Variants in MUC3A observed in about 807,000 individuals in gnomAD.
MUC3A encodes mucin 3A, cell surface associated.
Under a neutral mutation model 109.0 loss-of-function variants are expected in MUC3A, and 109 were observed. The observed-to-expected ratio is 1.00, with a 90% CI of 0.86 to 1.17. The LOEUF is 1.17. MUC3A is among the 50% of genes most tolerant of loss of function. The pLI, the probability that MUC3A is intolerant of heterozygous loss-of-function variation, is 0.00. For missense variants in MUC3A, 3,537 were observed against 2,469.4 expected (o/e 1.43, Z -9.16); for synonymous variants, 1,398 against 981.4 (o/e 1.42, Z -7.93).
At chr7:100,963,862 G>C in intron 5 of MUC3A, 110 bp downstream of exon 5, 14 of 1,481,900 alleles carry the variant, frequency 9.4e-6, no homozygotes, top group Non-Finnish European at 1.2e-5. Context: ...AAGAGGGGTG[G>C]AGGGGGTACA....
chr7:100,963,821 T>C (rs981863763), intron 5 of MUC3A, 69 bp downstream of exon 5: 1 of 1,585,412 alleles, frequency 6.3e-7, no homozygotes, highest in Non-Finnish European at 8.5e-7. Context: ...AAAAAACCCA[T>C]TCCTTTCTTT....
In MUC3A at chr7:100,952,806, A is replaced by T. The variant is rs769060224; in HGVS notation, c.1027A>T (p.Thr343Ser). ...CACCTACACTACTTCTCCCACCAGC[A>T]CTGTCACAGACTCCACTACCAAAAT... ...ETTYTTSPTS[T>S]VTDSTTKIAY... Residue 343 changes from threonine to serine, a missense_variant, in exon 2 of 12, where the codon ACT becomes TCT. By Grantham distance (58) the Thr-to-Ser change is moderately conservative (BLOSUM62 1). Transcript: ENST00000379458. The T allele has an allele frequency of 3.2e-6, 5 of 1,542,954 alleles. No individual in the cohort carries two copies. The African/African-American group carries it at 6.8e-5, about 21-fold the overall frequency.
intron 8 of MUC3A, chr7:100,966,136 GT>G: frequency 1.9e-6 from 1 of 531,956 alleles, no homozygotes; most frequent in East Asian, 3.4e-5. Flanking sequence ...TCGTTCTAGG[GT>G]TGAACCCCGC....
In MUC3A at chr7:100,954,420, A is replaced by G. The variant is rs1003609870; in HGVS notation, c.2641A>G (p.Thr881Ala). 2 of 400,654 alleles carry G rather than the reference A, an allele frequency of 5.0e-6. No homozygotes were observed. Among genetic ancestry groups the G allele is most frequent in the Non-Finnish European group, 8.8e-6 (2 of 227,606 alleles). 24.8% of individuals were successfully genotyped at this position (400,654 alleles called of 1,614,324 possible). Residue 881 changes from threonine (T) to alanine (A), a missense_variant, in exon 2 of 12, where the codon ACC becomes GCC. Transcript: ENST00000379458. ...ISISVSMTSATTPSGGPTFTS... is the reference protein window; with the variant it reads ...ISISVSMTSAATPSGGPTFTS... ...AATCTCTGTTAGCATGACGTCTGCT[A>G]CCACTCCCAGTGGAGGACCAACTTT...
rs1792166355 is a variant in MUC3A, at chr7:100,958,496, C to T, written c.6717C>T (p.Phe2239=). The change falls in exon 2 of 12, where the codon TTC becomes TTT. Residue 2239 remains phenylalanine (F), a synonymous_variant. Coordinates refer to ENST00000379458, the MANE Select transcript of MUC3A (RefSeq NM_005960.2). ...CCACATCCCACAGTACTCCCGGCTT[C>T]ACTTCTTCAATCACCACCACTGAGA... ...TETTSHSTPG[F]TSSITTTETT... is the part of the protein sequence containing the mutation. The T allele has an allele frequency of 1.2e-4, 138 of 1,138,074 alleles. No individual in the cohort carries two copies. The Middle Eastern group carries it at 2.8e-3, about 23-fold the overall frequency. 70.5% of individuals were successfully genotyped at this position (1,138,074 alleles called of 1,614,324 possible). A position where few individuals can be genotyped will look rare whatever the true frequency, so the allele number is the denominator to read the frequency against.
Position 100,959,151 on chromosome 7 carries a change from G to T in MUC3A, c.7372G>T (p.Ala2458Ser). The T allele has an allele frequency of 6.6e-7, 1 of 1,520,688 alleles. No individual in the cohort carries two copies. The allele number at this position is 1,520,688 out of a possible 1,614,324, so 94.2% of individuals were successfully genotyped here. A position where few individuals can be genotyped will look rare whatever the true frequency, so the allele number is the denominator to read the frequency against. The change falls in exon 2 of 12, where the codon GCC becomes TCC. Residue 2458 changes from alanine to serine, a missense_variant. Physicochemically the swap from Ala to Ser is moderately conservative, Grantham distance 99. Coordinates refer to ENST00000379458, the MANE Select transcript of MUC3A (RefSeq NM_005960.2). ...CTCCACAGTCAGCACATCCACAACT[G>T]CCATCACCTCACATTTTACTACCTC... Reference protein sequence around the residue: ...IYSTVSTSTTAITSHFTTSET... With the variant: ...IYSTVSTSTTSITSHFTTSET...
At position 100,954,256 on chromosome 7, in the gene MUC3A, T is replaced by C; in HGVS notation, c.2477T>C (p.Ile826Thr). The change falls in exon 2 of 12, where the codon ATC (isoleucine) becomes ACC (threonine). Residue 826 changes from isoleucine to threonine, a missense_variant. Transcript: ENST00000379458. Reference protein sequence around the residue: ...TGIPTSQPTTITPSSVGISGS... With the variant: ...TGIPTSQPTTTTPSSVGISGS... ...ATCCCTACCTCACAACCAACAACCA[T>C]CACTCCCTCATCCGTGGGCATCAGT... The C allele has an allele frequency of 2.2e-6, 1 of 455,050 alleles. No homozygotes were observed. 28.2% of individuals were successfully genotyped at this position (455,050 alleles called of 1,614,324 possible). A position where few individuals can be genotyped will look rare whatever the true frequency, so the allele number is the denominator to read the frequency against.
At position 100,965,721 on chromosome 7, in the gene MUC3A, G is replaced by C; in HGVS notation, c.9466G>C (p.Ala3156Pro). The change falls in exon 8 of 12, where the codon GCT (alanine) becomes CCT (proline). Residue 3156 changes from alanine to proline, a missense_variant. Physicochemically the swap from Ala to Pro is conservative, Grantham distance 27. Transcript: ENST00000379458. ...ACCCCCAGCCATCTGCCGCCGCGCCGCTCCCACGGGCTATGAAGAGTTCTA... is the reference window on the plus strand; with the variant it reads ...ACCCCCAGCCATCTGCCGCCGCGCCCCTCCCACGGGCTATGAAGAGTTCTA... ...LTPAAICRRA[A>P]PTGYEEFYFP... is the part of the protein sequence containing the mutation. 2 of 1,597,504 alleles carry C rather than the reference G, an allele frequency of 1.3e-6. No homozygotes were observed. Among genetic ancestry groups the C allele is most frequent in the Non-Finnish European group, 1.7e-6 (2 of 1,179,210 alleles).
At chr7:100,966,216 G>A in intron 8 of MUC3A, 170 bp from the exon 9 acceptor site, 2 of 419,346 alleles carry the variant, frequency 4.8e-6, no homozygotes, top group Non-Finnish European at 5.9e-6. Flanking sequence ...ACCTAGGGTA[G>A]AGCCCCGGCC....
rs1792061486 is a variant in MUC3A, at chr7:100,954,934, C to T, written c.3155C>T (p.Thr1052Ile). The T allele has an allele frequency of 1.8e-6, 1 of 549,746 alleles. No homozygotes were observed. The highest frequency in any genetic ancestry group is 1.9e-5 in the African/African-American group (1 of 52,930). The allele number at this position is 549,746 out of a possible 1,614,324, so 34.1% of individuals were successfully genotyped here. Reference protein sequence around the residue: ...SILSSTPVPSTEMITSHTTNT... With the variant: ...SILSSTPVPSIEMITSHTTNT... ...TTATCTTCTACACCTGTCCCAAGCA[C>T]AGAAATGATCACCAGTCATACCACA... The change falls in exon 2 of 12, where the codon ACA (threonine) becomes ATA (isoleucine). Residue 1052 changes from threonine (T) to isoleucine (I), a missense_variant. Physicochemically the swap from Thr to Ile is moderately conservative, Grantham distance 89 (BLOSUM62 -1). Transcript: ENST00000379458.
intron 5 of MUC3A, chr7:100,964,196 G>GCAAT: frequency 3.7e-6 from 1 of 271,706 alleles, no homozygotes; most frequent in African/African-American, 2.2e-5. Context: ...TAGCACTTTG[G>GCAAT]GTAGGCTAGG....
intron 1 of MUC3A, 129 bp downstream of exon 1, chr7:100,949,814 A>G: frequency 2.1e-6 from 2 of 956,526 alleles, no homozygotes; most frequent in Non-Finnish European, 1.5e-6. Context: ...CTCTGGGTGC[A>G]GGGAGAACCG....
At position 100,955,129 on chromosome 7, in the gene MUC3A, C is replaced by T. The variant is rs1458971612; in HGVS notation, c.3350C>T (p.Thr1117Ile). The change falls in exon 2 of 12, where the codon ACT becomes ATT. Residue 1117 changes from threonine (T) to isoleucine (I), a missense_variant. Thr to Ile is a moderately conservative substitution (Grantham distance 89, BLOSUM62 -1). Transcript: ENST00000379458. ...SITGTLSTAT[T>I]LPPTSSSLPT... The stretch of plus-strand genomic sequence containing the variant: ...ACAGGTACATTGTCCACTGCCACTA[C>T]TCTCCCACCCACCTCTTCCTCTCTC... The T allele has an allele frequency of 1.6e-6, 1 of 631,808 alleles. No individual in the cohort carries two copies. The highest frequency in any genetic ancestry group is 1.8e-5 in the South Asian group (1 of 54,104). 39.1% of individuals were successfully genotyped at this position (631,808 alleles called of 1,614,324 possible). A position where few individuals can be genotyped will look rare whatever the true frequency, so the allele number is the denominator to read the frequency against.
Position 100,960,621 on chromosome 7 carries a change from C to G in MUC3A, c.8842C>G (p.Gln2948Glu), listed in dbSNP as rs1223005645. The change falls in exon 2 of 12, where the codon CAG becomes GAG. Residue 2948 changes from glutamine to glutamate, a missense_variant. By Grantham distance (29) the Gln-to-Glu change is conservative (BLOSUM62 2). Coordinates refer to ENST00000379458, the MANE Select transcript of MUC3A (RefSeq NM_005960.2). ...TCGCATCACTTCTCAGATGACCACA[C>G]AGTCCACGTTGACCACCACTGCAGG... is the stretch of plus-strand genomic sequence containing the variant. ...TTRITSQMTT[Q>E]STLTTTAGTC... 1.3e-6 allele frequency: 2 copies of G among 1,598,224 alleles called. No homozygotes were observed. The highest frequency in any genetic ancestry group is 4.5e-5 in the East Asian group (2 of 44,904).
In MUC3A at chr7:100,952,913, A is replaced by C; in HGVS notation, c.1134A>C (p.Glu378Asp). 1 of 1,587,262 alleles carries C rather than the reference A, an allele frequency of 6.3e-7. No individual in the cohort carries two copies. The highest frequency in any genetic ancestry group is 1.7e-5 in the Admixed American group (1 of 58,488). Residue 378 changes from glutamate (E) to aspartate (D), a missense_variant, in exon 2 of 12, where the codon GAA (glutamate) becomes GAC (aspartate). Transcript: ENST00000379458. Reference sequence around the variant, plus strand: ...CCTCTTCCTCTCTCCCAACCACAGAAACAGCCACGACTCCTATGACAAACT... The same window carrying C: ...CCTCTTCCTCTCTCCCAACCACAGACACAGCCACGACTCCTATGACAAACT... ...PPTSSSLPTT[E>D]TATTPMTNLV... is the part of the protein sequence containing the mutation.
In MUC3A at chr7:100,953,749, C is replaced by T. The variant is rs1563061020; in HGVS notation, c.1970C>T (p.Thr657Ile). 1 of 434,172 alleles carries T rather than the reference C, an allele frequency of 2.3e-6. No individual in the cohort carries two copies. Among genetic ancestry groups the T allele is most frequent in the East Asian group, 3.3e-5 (1 of 30,130 alleles). The allele number at this position is 434,172 out of a possible 1,614,324, so 26.9% of individuals were successfully genotyped here. Residue 657 changes from threonine to isoleucine, a missense_variant, in exon 2 of 12, where the codon ACC becomes ATC. By Grantham distance (89) the Thr-to-Ile change is moderately conservative. Coordinates refer to ENST00000379458, the MANE Select transcript of MUC3A (RefSeq NM_005960.2). ...MTTTTSPPTT[T>I]NSFTSLTSMP... ...ACTACGACCTCTCCTCCCACAACCACCAATTCTTTTACATCACTGACCAGT... is the reference window on the plus strand; with the variant it reads ...ACTACGACCTCTCCTCCCACAACCATCAATTCTTTTACATCACTGACCAGT...
Position 100,952,215 on chromosome 7 carries a change from G to A in MUC3A, c.436G>A (p.Val146Met), listed in dbSNP as rs778509868. Residue 146 changes from valine (V) to methionine (M), a missense_variant, in exon 2 of 12, where the codon GTG becomes ATG. Coordinates refer to ENST00000379458, the MANE Select transcript of MUC3A (RefSeq NM_005960.2). ...ITISHPTSIC[V>M]TTTQVAFTSS... ...CATCTCCCACCCCACCTCCATCTGT[G>A]TGACCACGACGCAGGTGGCCTTCAC... 9 of 1,598,520 alleles carry A rather than the reference G, an allele frequency of 5.6e-6. No homozygotes were observed. The highest frequency in any genetic ancestry group is 3.3e-5 in the South Asian group (3 of 91,092).
In MUC3A at chr7:100,963,224, T is replaced by C; in HGVS notation, c.9126T>C (p.Thr3042=). ...QQFSPDLNDN[T]SQAYRDFNKT... is the part of the protein sequence containing the mutation. ...TCTCGCCGGACCTCAATGACAACAC[T>C]TCCCAGGCCTACAGGGATTTCAACA... Residue 3042 remains threonine (T), a synonymous_variant, in exon 4 of 12, where the codon ACT becomes ACC. Transcript: ENST00000379458. The C allele has an allele frequency of 6.3e-7, 1 of 1,598,326 alleles. No homozygotes were observed. Among genetic ancestry groups the C allele is most frequent in the Non-Finnish European group, 8.5e-7 (1 of 1,179,740 alleles).
In MUC3A at chr7:100,952,393, C is replaced by G. The variant is rs1388115260; in HGVS notation, c.614C>G (p.Pro205Arg). The G allele has an allele frequency of 2.1e-6, 3 of 1,446,136 alleles. No individual in the cohort carries two copies. 89.6% of individuals were successfully genotyped at this position (1,446,136 alleles called of 1,614,324 possible). Residue 205 changes from proline to arginine, a missense_variant, in exon 2 of 12, where the codon CCC (proline) becomes CGC (arginine). By Grantham distance (103) the Pro-to-Arg change is moderately radical. Coordinates refer to ENST00000379458, the MANE Select transcript of MUC3A (RefSeq NM_005960.2). Reference sequence around the variant, plus strand: ...GAAACTCCCATAGTGACAGTGACACCCTCCTCTGTGTCAGCCACAGACACA... The same window carrying G: ...GAAACTCCCATAGTGACAGTGACACGCTCCTCTGTGTCAGCCACAGACACA... ...ARETPIVTVT[P>R]SSVSATDTTF...
Sources: gnomAD v4.1 joint callset for allele counts on GRCh38, gnomAD v4.1.1 for gene constraint, MANE v1.5 for transcripts, NCBI Gene and HGNC (gene_info 2026-07-23, HGNC 2026-07-21) for gene names.